The following COX7B2 variants were observed in gnomAD, a reference collection of about 807,000 sequenced individuals.
COX7B2 encodes the protein cytochrome c oxidase subunit 7B2.
For synonymous variants in COX7B2, 37 were observed against 32.1 expected, an observed-to-expected ratio of 1.15 and a Z score of -0.51; for missense variants, 109 against 95.9, an observed-to-expected ratio of 1.14 and a Z score of -0.57.
chr4:46,818,469 T>TA (rs531642116), intron 2 of COX7B2, among the ~76,000 whole-genome samples: 1,737 of 151,150 alleles, frequency 0.011, 19 homozygotes, highest in Middle Eastern at 0.041. Context: ...CCGTCTCTAC[T>TA]AAAAAAAATA....
At chr4:46,782,846 G>T (rs1231152580) in intron 2 of COX7B2, among the ~76,000 whole-genome samples, 1 of 152,120 alleles carries the variant, frequency 6.6e-6, no homozygotes, top group Non-Finnish European at 1.5e-5. Flanking sequence ...CCAGAAGGAA[G>T]AAACTCCGGA....
chr4:46,756,275 G>A (rs1202328920), intron 2 of COX7B2, among the ~76,000 whole-genome samples: 1 of 151,980 alleles, frequency 6.6e-6, no homozygotes, highest in East Asian at 1.9e-4. Flanking sequence ...GAATGAAACT[G>A]TAACCATATT....
intron 1 of COX7B2, among the ~76,000 whole-genome samples, chr4:46,886,643 A>G (rs1719101588): frequency 6.6e-6 from 1 of 152,216 alleles, no homozygotes; most frequent in East Asian, 1.9e-4. Context: ...AGTTTGACCT[A>G]AGAAAAGCAA....
intron 2 of COX7B2, among the ~76,000 whole-genome samples, chr4:46,782,988 T>C (rs1250264675): frequency 1.3e-5 from 2 of 152,228 alleles, no homozygotes; most frequent in Admixed American, 6.5e-5. Context: ...GACATAATAC[T>C]ATATTTGGCT....
intron 1 of COX7B2, among the ~76,000 whole-genome samples, chr4:46,861,274 T>A (rs1429787724): frequency 6.6e-6 from 1 of 152,212 alleles, no homozygotes; most frequent in Non-Finnish European, 1.5e-5. Flanking sequence ...CACTCATATC[T>A]CATCATTTAC....
chr4:46,908,815 G>C (rs929965878), intron 1 of COX7B2, among the ~76,000 whole-genome samples: 1 of 151,718 alleles, frequency 6.6e-6, no homozygotes, highest in East Asian at 1.9e-4. Context: ...GCCGAGGCGG[G>C]TGGATCACGA....
chr4:46,907,847 A>AATTTTTTTTTTTTTTTTTT (rs1308450950), intron 1 of COX7B2, among the ~76,000 whole-genome samples: 1 of 67,238 alleles, frequency 1.5e-5, no homozygotes, highest in Non-Finnish European at 3.2e-5. Context: ...ATTTGAGCAG[A>AATTTTTTTTTTTTTTTTTT]CTTTTTTTTT....
rs73141215 is a variant in COX7B2, at chr4:46,807,218, T to A, written c.-50+37742A>T. ...TTTATAATAGCCATCCTAACAGGTGTGAGATGGTATCTCATAGTGGTGTCA... is the reference window on the plus strand; with the variant it reads ...TTTATAATAGCCATCCTAACAGGTGAGAGATGGTATCTCATAGTGGTGTCA... On this transcript the variant is annotated intron_variant, in intron 2 of 2. Transcript: ENST00000355591. 5.2e-3 allele frequency among the ~76,000 whole-genome samples: 796 copies of A among 152,092 alleles called. 9 individuals carry two copies. The highest frequency in any genetic ancestry group is 0.018 in the African/African-American group (759 of 41,554).
At chr4:46,748,331 C>T (rs989160545) in intron 2 of COX7B2, among the ~76,000 whole-genome samples, 2 of 152,158 alleles carry the variant, frequency 1.3e-5, no homozygotes, top group African/African-American at 4.8e-5. Flanking sequence ...AAGTACCCTA[C>T]ATAAAACATT....
chr4:46,832,958 T>C (rs920399587), intron 2 of COX7B2, among the ~76,000 whole-genome samples: 37 of 151,866 alleles, frequency 2.4e-4, no homozygotes, highest in Admixed American at 2.1e-3. Context: ...CAGGCTGGAG[T>C]GCAAAGGCGT....
chr4:46,902,539 T>C (rs910479335), intron 1 of COX7B2, among the ~76,000 whole-genome samples: 1 of 152,212 alleles, frequency 6.6e-6, no homozygotes, highest in Non-Finnish European at 1.5e-5. Context: ...TTCTTCCATT[T>C]CATGAGTCAC....
intron 1 of COX7B2, among the ~76,000 whole-genome samples, chr4:46,887,533 A>G (rs982758590): frequency 6.6e-6 from 1 of 152,006 alleles, no homozygotes; most frequent in African/African-American, 2.4e-5. Flanking sequence ...AACACGGTGA[A>G]GCCCCATCTC....
At chr4:46,786,043 C>A (rs138982570) in intron 2 of COX7B2, among the ~76,000 whole-genome samples, 56 of 152,002 alleles carry the variant, frequency 3.7e-4, no homozygotes, top group African/African-American at 1.3e-3. Context: ...CAAAATAGTT[C>A]TTTTTGCTTT....
intron 1 of COX7B2, among the ~76,000 whole-genome samples, chr4:46,885,038 A>G (rs775918242): frequency 6.6e-6 from 1 of 152,140 alleles, no homozygotes; most frequent in Non-Finnish European, 1.5e-5. Flanking sequence ...CAATACATAT[A>G]AATCACAGAG....
chr4:46,791,880 C>T (rs1004072398), intron 2 of COX7B2, among the ~76,000 whole-genome samples: 2 of 152,156 alleles, frequency 1.3e-5, no homozygotes, highest in Non-Finnish European at 2.9e-5. Context: ...CTGGTGTTCA[C>T]CCAAGTCTGC....
At chr4:46,769,879 C>G (rs1443527946) in intron 2 of COX7B2, among the ~76,000 whole-genome samples, 1 of 152,036 alleles carries the variant, frequency 6.6e-6, no homozygotes, top group Non-Finnish European at 1.5e-5. Context: ...AAGCCCACAG[C>G]TAATATCATA....
intron 2 of COX7B2, among the ~76,000 whole-genome samples, chr4:46,823,685 C>T (rs1435566554): frequency 6.6e-6 from 1 of 151,054 alleles, no homozygotes; most frequent in African/African-American, 2.4e-5. Flanking sequence ...CACAAATTAC[C>T]TTACAAAAAT....
rs565956541 is a variant in COX7B2 at position 46,750,857 on chromosome 4, G to A, written c.-49-15616C>T. Among the ~76,000 whole-genome samples the A allele has an allele frequency of 6.6e-5, 10 of 152,190 alleles. No homozygotes were observed. In the South Asian group the frequency reaches 2.1e-3, roughly 32 times the overall value. On this transcript the variant is annotated intron_variant, in intron 2 of 2. Coordinates refer to ENST00000355591, the MANE Select transcript of COX7B2 (RefSeq NM_130902.3). ...ATTTTGATGTCTCTTTCCTTATAAA[G>A]TCACCAGCCCTTTCAGATTAGGGAT...
chr4:46,890,373 A>T (rs1031156498), intron 1 of COX7B2, among the ~76,000 whole-genome samples: 4 of 152,204 alleles, frequency 2.6e-5, no homozygotes, highest in Non-Finnish European at 5.9e-5. Flanking sequence ...AAGCAGATGG[A>T]ACCCCTAGAA....
Sources: allele counts gnomAD v4.1 joint callset (sites outside exome capture counted in the v4.1 genomes callset), GRCh38; gene constraint gnomAD v4.1.1; transcripts MANE v1.5; gene names NCBI Gene and HGNC (gene_info 2026-07-23, HGNC 2026-07-21).